USP8: variants seen among roughly 807,000 people sequenced by gnomAD.
The protein encoded by USP8 is ubiquitin carboxyl-terminal hydrolase 8.
Under a neutral mutation model 130.0 loss-of-function variants are expected in USP8, and 27 were observed. The ratio of observed to expected loss-of-function variants is 0.21; its 90% CI spans 0.15 to 0.29. The LOEUF (loss-of-function observed/expected upper bound fraction) is 0.29. Among genes scored for constraint, USP8 ranks in the 10% least tolerant of loss-of-function variants. The pLI, the probability that USP8 is intolerant of heterozygous loss-of-function variation, is 1.00. For synonymous variants in USP8, 392 were observed against 444.1 expected, an observed-to-expected ratio of 0.88 and a Z score of 1.48; for missense variants, 1,029 against 1,312.2, an observed-to-expected ratio of 0.78 and a Z score of 3.33.
intron 5 of USP8, among the ~76,000 whole-genome samples, chr15:50,461,541 T>C (rs145196628): frequency 6.6e-6 from 1 of 151,168 alleles, no homozygotes; most frequent in East Asian, 1.9e-4. Flanking sequence ...GATTATCCCA[T>C]GTTGTCTTGG....
In USP8 at chr15:50,501,390, C is replaced by G. The variant is rs2052585268; in HGVS notation, c.*2302C>G. 1 of 151,848 alleles carries G rather than the reference C, an allele frequency of 6.6e-6. No individual in the cohort carries two copies. The highest frequency in any genetic ancestry group is 2.4e-5 in the African/African-American group (1 of 41,202). The allele number at this position is 151,848 out of a possible 1,614,324, so 9.4% of individuals were successfully genotyped here. On this transcript the variant is annotated 3_prime_UTR_variant, in exon 20 of 20. Transcript: ENST00000307179. Reference sequence around the variant, plus strand: ...TTGGGAAGTTGGGGTGGGAGGATCTCTCGAGCCTGAGAGGTCGAGGCTGCA... The same window carrying G: ...TTGGGAAGTTGGGGTGGGAGGATCTGTCGAGCCTGAGAGGTCGAGGCTGCA...
At chr15:50,472,640 G>T (rs1017598138) in intron 8 of USP8, among the ~76,000 whole-genome samples, 2 of 151,178 alleles carry the variant, frequency 1.3e-5, no homozygotes, top group African/African-American at 4.9e-5. Flanking sequence ...GCCAGGCGTG[G>T]TGGCCCATGC....
intron 4 of USP8, among the ~76,000 whole-genome samples, chr15:50,454,842 A>T (rs951240351): frequency 6.6e-6 from 1 of 152,046 alleles, no homozygotes. Flanking sequence ...GTGCAGTGGC[A>T]TGATCCCAGC....
chr15:50,510,783 G>T lies in USP8; in HGVS notation c.*11695G>T, dbSNP rs3098182. 0.58 allele frequency: 87,194 copies of T among 150,454 alleles called. 25,168 individuals are homozygous for T. The highest frequency in any genetic ancestry group is 0.63 in the Admixed American group (9,562 of 15,148). 9.3% of individuals were successfully genotyped at this position (150,454 alleles called of 1,614,324 possible). ...ATGTACACCAATGTTTTGTTTTTTG[G>T]TTTTTTTTTTAGAGATGGAGTCTCG... On this transcript the variant is annotated 3_prime_UTR_variant, in exon 20 of 20. Transcript: ENST00000307179.
In USP8 at chr15:50,513,622, A is replaced by C. The variant is rs1243700217; in HGVS notation, c.*14534A>C. 6.6e-6 allele frequency: 1 copy of C among 152,100 alleles called. No homozygotes were observed. The highest frequency in any genetic ancestry group is 6.6e-5 in the Admixed American group (1 of 15,260). The allele number at this position is 152,100 out of a possible 1,614,324, so 9.4% of individuals were successfully genotyped here. On this transcript the variant is annotated 3_prime_UTR_variant, in exon 20 of 20. Coordinates refer to ENST00000307179, the MANE Select transcript of USP8 (RefSeq NM_005154.5). ...AACTACAATTCCATAAGAAAAAGGCAGGCCACAGAATAGGAAAAAGAATAA... is the reference window on the plus strand; with the variant it reads ...AACTACAATTCCATAAGAAAAAGGCCGGCCACAGAATAGGAAAAAGAATAA...
rs2052635190 is a variant in USP8, at chr15:50,504,788, G to C, written c.*5700G>C. ...AGGTCAGGAGTTCAAGACCAACCTG[G>C]TACACATGGTGAAACCCTGTCTCTA... is the stretch of plus-strand genomic sequence containing the variant. On this transcript the variant is annotated 3_prime_UTR_variant, in exon 20 of 20. Transcript: ENST00000307179. The C allele has an allele frequency of 6.6e-6, 1 of 151,548 alleles. No individual in the cohort carries two copies. The highest frequency in any genetic ancestry group is 1.5e-5 in the Non-Finnish European group (1 of 68,010). The allele number at this position is 151,548 out of a possible 1,614,324, so 9.4% of individuals were successfully genotyped here. A position where few individuals can be genotyped will look rare whatever the true frequency, so the allele number is the denominator to read the frequency against.
At chr15:50,440,861 G>A (rs954925232) in intron 2 of USP8, among the ~76,000 whole-genome samples, 6 of 152,028 alleles carry the variant, frequency 3.9e-5, no homozygotes, top group Non-Finnish European at 5.9e-5. Context: ...AATTAGCCAG[G>A]CATGGTGGTA....
At chr15:50,465,343 G>T in intron 7 of USP8, 152 bp downstream of exon 7, 1 of 648,130 alleles carries the variant, frequency 1.5e-6, no homozygotes, top group Non-Finnish European at 2.4e-6. Flanking sequence ...ATGTGTGTGG[G>T]TGGTGGGGGA....
Position 50,481,882 on chromosome 15 carries a change from C to G in USP8, c.1620C>G (p.Thr540=). ...AGGCCAAGAAAGAAGATAAAGAAACCTCAGCAAAGAGGGGCAAAGAAATAA... is the reference window on the plus strand; with the variant it reads ...AGGCCAAGAAAGAAGATAAAGAAACGTCAGCAAAGAGGGGCAAAGAAATAA... ...SEQAKKEDKE[T]SAKRGKEITG... Residue 540 remains threonine, a synonymous_variant, in exon 11 of 20, where the codon ACC becomes ACG. Transcript: ENST00000307179. The G allele has an allele frequency of 6.4e-7, 1 of 1,565,466 alleles. No individual in the cohort carries two copies. Among genetic ancestry groups the G allele is most frequent in the Non-Finnish European group, 8.6e-7 (1 of 1,160,940 alleles).
chr15:50,491,639 G>A (rs1595983557), intron 14 of USP8, among the ~76,000 whole-genome samples: 2 of 152,244 alleles, frequency 1.3e-5, no homozygotes, highest in East Asian at 3.9e-4. Flanking sequence ...GTGGAAGAAC[G>A]TTAAGGATTA....
intron 17 of USP8, 120 bp from the exon 18 acceptor site, chr15:50,496,969 C>G (rs1289631390): frequency 7.6e-7 from 1 of 1,317,472 alleles, no homozygotes; most frequent in African/African-American, 1.5e-5. Context: ...GGCAGGAACT[C>G]TTTTGTGTAG....
intron 5 of USP8, among the ~76,000 whole-genome samples, chr15:50,461,735 C>T (rs1595936774): frequency 6.6e-6 from 1 of 152,066 alleles, no homozygotes; most frequent in African/African-American, 2.4e-5. Context: ...CGCCTGTAAT[C>T]CCAGCTACTC....
intron 4 of USP8, among the ~76,000 whole-genome samples, chr15:50,451,267 C>T (rs973199350): frequency 1.3e-5 from 2 of 151,960 alleles, no homozygotes; most frequent in Non-Finnish European, 2.9e-5. Flanking sequence ...AAAAGTTAGC[C>T]GGGTGGGGTG....
intron 2 of USP8, among the ~76,000 whole-genome samples, chr15:50,439,828 A>ATAATTT (rs943774794): frequency 9.8e-6 from 1 of 102,464 alleles, no homozygotes; most frequent in Non-Finnish European, 1.8e-5. Context: ...AATAATAATA[A>ATAATTT]TTTTTTTTTT....
In USP8 at chr15:50,441,572, GTAA is replaced by G. The variant is rs1184258131; in HGVS notation, c.249+84_249+86del. ...ATTGATTTTTTTCTAAAAATTTTAAGTAATAATGAAATGTAGCTCAAATTATAT... is the reference window on the plus strand; with the variant it reads ...ATTGATTTTTTTCTAAAAATTTTAAGTAATGAAATGTAGCTCAAATTATAT... On this transcript the variant is annotated intron_variant, in intron 3 of 19. Coordinates refer to ENST00000307179, the MANE Select transcript of USP8 (RefSeq NM_005154.5). 4 of 1,278,202 alleles carry G rather than the reference GTAA, an allele frequency of 3.1e-6. No individual in the cohort carries two copies. In the East Asian group the frequency reaches 7.5e-5, roughly 24 times the overall value. 79.2% of individuals were successfully genotyped at this position (1,278,202 alleles called of 1,614,324 possible).
rs200486051 is a variant in USP8, at chr15:50,441,434, A to G, written c.190A>G (p.Met64Val). Residue 64 changes from methionine (M) to valine (V), a missense_variant, in exon 3 of 20, where the codon ATG (methionine) becomes GTG (valine). Around this residue, in one of 4 missense-constraint regions of USP8, gnomAD observed 281 missense variants for 336.7 expected, o/e 0.83. Transcript: ENST00000307179. ...TGAGGAAAGGGCCTATGTACTATATATGAAATACGTGACTGTTTATAATCT... is the reference window on the plus strand; with the variant it reads ...TGAGGAAAGGGCCTATGTACTATATGTGAAATACGTGACTGTTTATAATCT... The part of the protein sequence containing the change: ...RDEERAYVLY[M>V]KYVTVYNLIK... 3.7e-6 allele frequency: 6 copies of G among 1,603,912 alleles called. No homozygotes were observed. Among genetic ancestry groups the G allele is most frequent in the Non-Finnish European group, 3.4e-6 (4 of 1,177,214 alleles).
In USP8 at chr15:50,435,869, A is replaced by G. The variant is rs117644763; in HGVS notation, c.-65-3140A>G. The stretch of plus-strand genomic sequence containing the variant: ...AACCCTTCCTAAAATCTTTGGTGAC[A>G]TCGTAATCTTATCCCTGTACTTTCC... On this transcript the variant is annotated intron_variant, in intron 1 of 19. Coordinates refer to ENST00000307179, the MANE Select transcript of USP8 (RefSeq NM_005154.5). 2.8e-3 allele frequency among the ~76,000 whole-genome samples: 420 copies of G among 152,302 alleles called. 12 individuals are homozygous for G. In the East Asian group the frequency reaches 0.077, roughly 28 times the overall value.
In USP8 at chr15:50,424,436, G is replaced by C. The variant is rs2241769; in HGVS notation, c.-144G>C. ...GGCTGGCTTCCGTCCTGGTAGCCAAGGCTAATTCTCCCTCGAGTTCTTGGG... is the reference window on the plus strand; with the variant it reads ...GGCTGGCTTCCGTCCTGGTAGCCAACGCTAATTCTCCCTCGAGTTCTTGGG... On this transcript the variant is annotated 5_prime_UTR_variant, in exon 1 of 20. Transcript: ENST00000307179. 90,112 of 398,640 alleles carry C rather than the reference G, an allele frequency of 0.23. 11,049 individuals carry two copies. The highest frequency in any genetic ancestry group is 0.34 in the East Asian group (9,606 of 28,066). The allele number at this position is 398,640 out of a possible 1,614,324, so 24.7% of individuals were successfully genotyped here.
Position 50,500,632 on chromosome 15 carries a change from A to T in USP8, c.*1544A>T. The T allele has an allele frequency of 1.3e-6, 1 of 783,644 alleles. No individual in the cohort carries two copies. The highest frequency in any genetic ancestry group is 2.1e-6 in the Non-Finnish European group (1 of 479,728). The allele number at this position is 783,644 out of a possible 1,614,324, so 48.5% of individuals were successfully genotyped here. The stretch of plus-strand genomic sequence containing the variant: ...GCTGACTGCTTGTTTTGCAGTGTTC[A>T]GGAAACACCATTTTCCTGGCTCTTA... On this transcript the variant is annotated 3_prime_UTR_variant, in exon 20 of 20. Transcript: ENST00000307179.
Sources: gnomAD v4.1 joint callset for allele counts (sites outside exome capture counted in the v4.1 genomes callset) on GRCh38, gnomAD v4.1.1 for gene constraint, gnomAD v4.1.1 regional missense constraint, MANE v1.5 for transcripts, NCBI Gene and HGNC (gene_info 2026-07-23, HGNC 2026-07-21) for gene names.